Variants in CPQ observed in about 807,000 individuals in gnomAD.
CPQ encodes the protein Ser-Met dipeptidase.
A neutral mutation model predicts 45.7 loss-of-function variants in CPQ; 37 were observed. The observed-to-expected ratio is 0.81, with a 90% CI of 0.62 to 1.07. The LOEUF is 1.07. CPQ is among the 50% of genes least tolerant of loss of function. The pLI is 0.00. For missense variants in CPQ, 537 were observed against 572.9 expected (o/e 0.94, Z 0.64); for synonymous variants, 186 against 205.8 (o/e 0.90, Z 0.82).
intron 6 of CPQ, among the ~76,000 whole-genome samples, chr8:97,052,234 C>A (rs1234285867): frequency 6.6e-6 from 1 of 152,102 alleles, no homozygotes; most frequent in Admixed American, 6.6e-5. Flanking sequence ...AATACAGGTA[C>A]CTATTTGGAT....
intron 2 of CPQ, among the ~76,000 whole-genome samples, chr8:96,833,279 C>T (rs1435802535): frequency 6.6e-6 from 1 of 152,042 alleles, no homozygotes; most frequent in Non-Finnish European, 1.5e-5. Context: ...CTTTAGGACT[C>T]CACTCTCTTG....
chr8:96,728,733 G>C (rs1809874191), intron 1 of CPQ, among the ~76,000 whole-genome samples: 1 of 152,178 alleles, frequency 6.6e-6, no homozygotes, highest in South Asian at 2.1e-4. Context: ...CAAGCCTGCT[G>C]TTCTGTCAGG....
intron 2 of CPQ, among the ~76,000 whole-genome samples, chr8:96,785,932 G>A (rs1025145723): frequency 1.3e-5 from 2 of 152,236 alleles, no homozygotes; most frequent in South Asian, 2.1e-4. Flanking sequence ...GCTAATTTCC[G>A]GTGGCAGAAG....
chr8:96,728,166 C>T (rs1453621520), intron 1 of CPQ, among the ~76,000 whole-genome samples: 2 of 152,154 alleles, frequency 1.3e-5, no homozygotes, highest in Non-Finnish European at 2.9e-5. Context: ...GATTACTTAC[C>T]CTTTCCTTTC....
At chr8:96,863,076 A>G (rs1811950688) in intron 3 of CPQ, among the ~76,000 whole-genome samples, 1 of 152,110 alleles carries the variant, frequency 6.6e-6, no homozygotes, top group South Asian at 2.1e-4. Context: ...AGCCTCTGAG[A>G]TTTTGAGATT....
chr8:96,719,298 C>G (rs954050203), intron 1 of CPQ, among the ~76,000 whole-genome samples: 1 of 152,204 alleles, frequency 6.6e-6, no homozygotes, highest in Admixed American at 6.5e-5. Flanking sequence ...TTTTGGGGGA[C>G]CAAGTACACC....
chr8:97,076,313 T>C (rs548120799), intron 7 of CPQ, among the ~76,000 whole-genome samples: 1 of 152,266 alleles, frequency 6.6e-6, no homozygotes, highest in East Asian at 1.9e-4. Flanking sequence ...CATGAGCCAC[T>C]GAGCCCTGCC....
At chr8:97,034,837 T>C (rs149246676) in intron 6 of CPQ, among the ~76,000 whole-genome samples, 133 of 152,224 alleles carry the variant, frequency 8.7e-4, no homozygotes, top group African/African-American at 3.1e-3. Flanking sequence ...CACTAAACAG[T>C]ATGGTTTTGC....
rs563641827 is a variant in CPQ, at chr8:96,772,285, A to G, written c.-34-12579A>G. 1.4e-3 allele frequency among the ~76,000 whole-genome samples: 212 copies of G among 152,212 alleles called. 1 individual carries two copies. The highest frequency in any genetic ancestry group is 2.4e-3 in the Non-Finnish European group (162 of 68,012). ...CTACTTAGGAGCTAAATTTAAGAGCACTTACTGATTAACTGACTATAGAGT... is the reference window on the plus strand; with the variant it reads ...CTACTTAGGAGCTAAATTTAAGAGCGCTTACTGATTAACTGACTATAGAGT... On this transcript the variant is annotated intron_variant, in intron 1 of 7. Coordinates refer to ENST00000220763, the MANE Select transcript of CPQ (RefSeq NM_016134.4).
intron 6 of CPQ, among the ~76,000 whole-genome samples, chr8:97,032,800 A>G (rs1188348919): frequency 6.6e-6 from 1 of 152,240 alleles, no homozygotes; most frequent in African/African-American, 2.4e-5. Context: ...TTACTTCAAA[A>G]ATAACTTTAA....
At chr8:97,122,658 C>T (rs556501091) in intron 7 of CPQ, among the ~76,000 whole-genome samples, 15 of 151,698 alleles carry the variant, frequency 9.9e-5, no homozygotes, top group African/African-American at 3.4e-4. Context: ...GGCCAAGGCA[C>T]GCGGATCATT....
intron 3 of CPQ, among the ~76,000 whole-genome samples, chr8:96,842,021 T>C (rs1811619444): frequency 6.6e-6 from 1 of 152,220 alleles, no homozygotes; most frequent in African/African-American, 2.4e-5. Flanking sequence ...AAAACATTCT[T>C]CATGTTAAGA....
Position 96,655,115 on chromosome 8 carries a change from A to G in CPQ, c.-35+9713A>G, listed in dbSNP as rs550175088. On this transcript the variant is annotated intron_variant, in intron 1 of 7. Coordinates refer to ENST00000220763, the MANE Select transcript of CPQ (RefSeq NM_016134.4). ...TCTTGGTGATTTTTTTTAATTCCCT[A>G]TGAATTTTAGGGTTATTTTTTCTGT... is the stretch of plus-strand genomic sequence containing the variant. 1.6e-3 allele frequency among the ~76,000 whole-genome samples: 236 copies of G among 151,718 alleles called. 1 individual carries two copies. Among genetic ancestry groups the G allele is most frequent in the Middle Eastern group, 3.4e-3 (1 of 292 alleles).
At chr8:97,016,923 G>T (rs186859829) in intron 5 of CPQ, among the ~76,000 whole-genome samples, 1 of 152,146 alleles carries the variant, frequency 6.6e-6, no homozygotes, top group Non-Finnish European at 1.5e-5. Flanking sequence ...GCTGTCACTC[G>T]GATGGACAGA....
chr8:96,814,659 G>T (rs1811202656), intron 2 of CPQ, among the ~76,000 whole-genome samples: 1 of 152,126 alleles, frequency 6.6e-6, no homozygotes, highest in African/African-American at 2.4e-5. Context: ...TTGGTGTGCA[G>T]GTGGTGTTGA....
chr8:96,925,506 C>T (rs574184792), intron 4 of CPQ, among the ~76,000 whole-genome samples: 18 of 152,052 alleles, frequency 1.2e-4, no homozygotes, highest in Non-Finnish European at 2.2e-4. Context: ...TCTCAGCCTC[C>T]TGAGTAGTTG....
intron 3 of CPQ, among the ~76,000 whole-genome samples, chr8:96,855,470 T>C (rs1187937164): frequency 6.6e-6 from 1 of 152,182 alleles, no homozygotes; most frequent in Non-Finnish European, 1.5e-5. Context: ...GGGGATTAGC[T>C]TCCAAACTAT....
chr8:96,771,092 T>A (rs964408853), intron 1 of CPQ, among the ~76,000 whole-genome samples: 1 of 143,892 alleles, frequency 6.9e-6, no homozygotes, highest in Non-Finnish European at 1.5e-5. Context: ...ATATATATAT[T>A]ATATATATAT....
intron 1 of CPQ, among the ~76,000 whole-genome samples, chr8:96,684,854 CT>C (rs1809204744): frequency 6.6e-6 from 1 of 152,038 alleles, no homozygotes; most frequent in South Asian, 2.1e-4. Context: ...TCTCCCAGCA[CT>C]TTGGGAGGCT....
Sources: gnomAD v4.1 joint callset for allele counts (sites outside exome capture counted in the v4.1 genomes callset) on GRCh38, gnomAD v4.1.1 for gene constraint, MANE v1.5 for transcripts, NCBI Gene and HGNC (gene_info 2026-07-23, HGNC 2026-07-21) for gene names.